SHROOM3: variants seen among roughly 807,000 people sequenced by gnomAD.
The protein encoded by SHROOM3 is shroom family member 3, also known as protein Shroom3.
SHROOM3 carries 47 observed loss-of-function variants against 138.6 expected under a neutral mutation model. That is an observed-to-expected ratio of 0.34 (90% CI 0.27 to 0.43). The LOEUF (loss-of-function observed/expected upper bound fraction) is 0.43. Ranked by LOEUF, SHROOM3 falls within the 20% of genes least tolerant of loss-of-function variation. SHROOM3 has a pLI of 1.00. For missense variants in SHROOM3, 2,491 were observed against 2,596.5 expected, an observed-to-expected ratio of 0.96 and a Z score of 0.88; for synonymous variants, 1,062 against 1,063.3, an observed-to-expected ratio of 1.00 and a Z score of 0.02.
rs1184057031 is a variant in SHROOM3 at position 76,754,421 on chromosome 4, C to T, written c.3938C>T (p.Pro1313Leu). The part of the protein sequence containing the change: ...GCKAIGDSSV[P>L]SECPGTLDHQ... ...AAAGCCATTGGTGATTCCTCCGTTC[C>T]TAGTGAATGTCCTGGAACCCTGGAC... Residue 1313 changes from proline to leucine, a missense_variant, in exon 7 of 11, where the codon CCT becomes CTT. Coordinates refer to ENST00000296043, the MANE Select transcript of SHROOM3 (RefSeq NM_020859.4). The T allele has an allele frequency of 6.2e-7, 1 of 1,614,158 alleles. No individual in the cohort carries two copies. Among genetic ancestry groups the T allele is most frequent in the East Asian group, 2.2e-5 (1 of 44,884 alleles).
At chr4:76,775,285 T>G (rs1722512867) in intron 10 of SHROOM3, among the ~76,000 whole-genome samples, 1 of 152,080 alleles carries the variant, frequency 6.6e-6, no homozygotes, top group Non-Finnish European at 1.5e-5. Context: ...AATGCCATTA[T>G]TTTGTTCTTT....
At chr4:76,529,114 C>A (rs1028519946) in intron 1 of SHROOM3, among the ~76,000 whole-genome samples, 1 of 152,116 alleles carries the variant, frequency 6.6e-6, no homozygotes, top group African/African-American at 2.4e-5. Flanking sequence ...ATTGTTGGAG[C>A]TCATGGGGAA....
rs773188540 is a variant in SHROOM3 at position 76,741,168 on chromosome 4, G to A, written c.2995G>A (p.Val999Met). The change falls in exon 5 of 11, where the codon GTG becomes ATG. Residue 999 changes from valine (V) to methionine (M), a missense_variant. Val to Met is a conservative substitution (Grantham distance 21, BLOSUM62 1). This residue lies in a region of SHROOM3 where 1,733 missense variants were observed against 1,661.6 expected (regional missense o/e 1.04). Coordinates refer to ENST00000296043, the MANE Select transcript of SHROOM3 (RefSeq NM_020859.4). The surrounding 1 kb of genome is among the most constrained non-coding windows in gnomAD (Gnocchi z 6.2). The part of the protein sequence containing the change: ...TPAEGDLARP[V>M]PPAARRGARR... ...TGCTGAGGGCGACCTGGCCAGGCCC[G>A]TGCCCCCTGCCGCCCGGAGAGGTGC... 15 of 1,583,456 alleles carry A rather than the reference G, an allele frequency of 9.5e-6. No homozygotes were observed. The highest frequency in any genetic ancestry group is 8.1e-5 in the African/African-American group (6 of 74,316).
intron 2 of SHROOM3, chr4:76,587,384 T>C (rs1004166728): frequency 6.6e-6 from 1 of 152,196 alleles, no homozygotes. Flanking sequence ...TGGGTAAAGT[T>C]CTCTTTATAA....
intron 1 of SHROOM3, among the ~76,000 whole-genome samples, chr4:76,511,055 G>A (rs139442711): frequency 0.029 from 4,412 of 152,080 alleles, 102 homozygotes; most frequent in Non-Finnish European, 0.047. Context: ...GGTGGTTGGC[G>A]CCTGTAATCT....
intron 2 of SHROOM3, among the ~76,000 whole-genome samples, chr4:76,562,446 G>T (rs969480587): frequency 1.3e-5 from 2 of 152,126 alleles, no homozygotes; most frequent in African/African-American, 2.4e-5. Context: ...AGATTGAATT[G>T]CAAGACTGTA....
intron 2 of SHROOM3, among the ~76,000 whole-genome samples, chr4:76,625,884 A>C (rs966340930): frequency 6.6e-6 from 1 of 152,202 alleles, no homozygotes; most frequent in Non-Finnish European, 1.5e-5. Context: ...CTCGCTCACT[A>C]TTATACTTAG....
intron 9 of SHROOM3, among the ~76,000 whole-genome samples, chr4:76,766,959 A>G (rs1722177841): frequency 6.6e-6 from 1 of 152,156 alleles, no homozygotes; most frequent in African/African-American, 2.4e-5. Flanking sequence ...GCCTCCCTGC[A>G]TCACTTCTAT....
chr4:76,538,089 G>T (rs538957370), intron 1 of SHROOM3, among the ~76,000 whole-genome samples: 1 of 152,138 alleles, frequency 6.6e-6, no homozygotes, highest in South Asian at 2.1e-4. Flanking sequence ...CATATTTTTA[G>T]TAGAGCCAGG....
chr4:76,528,672 TC>T (rs776304313), intron 1 of SHROOM3, among the ~76,000 whole-genome samples: 3 of 151,710 alleles, frequency 2.0e-5, no homozygotes, highest in Non-Finnish European at 2.9e-5. Context: ...CCTGCCTCAG[TC>T]TCCCCAGTAG....
chr4:76,737,198 T>C (rs1721096800), intron 4 of SHROOM3, among the ~76,000 whole-genome samples: 1 of 152,198 alleles, frequency 6.6e-6, no homozygotes, highest in African/African-American at 2.4e-5. Flanking sequence ...CTTTTCAGAC[T>C]GGCTTTTTTC....
intron 1 of SHROOM3, among the ~76,000 whole-genome samples, chr4:76,481,182 A>G (rs539226404): frequency 1.4e-4 from 21 of 152,188 alleles, no homozygotes; most frequent in Non-Finnish European, 2.9e-4. Flanking sequence ...CAAAAAATCA[A>G]TTAATCCAGA....
chr4:76,532,126 C>T (rs950666989), intron 1 of SHROOM3: 3 of 143,006 alleles, frequency 2.1e-5, no homozygotes, highest in Non-Finnish European at 4.5e-5. Flanking sequence ...TCTCATTGTT[C>T]AATTCCCACC....
At position 76,458,463 on chromosome 4, in the gene SHROOM3, G is replaced by C. The variant is rs190341750; in HGVS notation, c.168+22243G>C. On this transcript the variant is annotated intron_variant, in intron 1 of 10. Transcript: ENST00000296043. ...ATGATAATATTACTTTTTCAGTAGC[G>C]TTGAGTACATTGTTGTGCAACCATC... is the stretch of plus-strand genomic sequence containing the variant. Among the ~76,000 whole-genome samples the C allele has an allele frequency of 1.8e-3, 272 of 152,210 alleles. 1 individual carries two copies. Among genetic ancestry groups the C allele is most frequent in the African/African-American group, 6.2e-3 (258 of 41,524 alleles).
chr4:76,567,121 G>A (rs889979123), intron 2 of SHROOM3, among the ~76,000 whole-genome samples: 24 of 152,168 alleles, frequency 1.6e-4, no homozygotes, highest in African/African-American at 5.6e-4. Context: ...TTGCTTAGTG[G>A]GTGGGATGTG....
At chr4:76,703,847 T>C (rs1405259653) in intron 2 of SHROOM3, among the ~76,000 whole-genome samples, 1 of 152,234 alleles carries the variant, frequency 6.6e-6, no homozygotes, top group Non-Finnish European at 1.5e-5. Flanking sequence ...CTTAGCCCTG[T>C]ATAAATGCAT....
intron 1 of SHROOM3, among the ~76,000 whole-genome samples, chr4:76,474,405 T>C (rs1731440293): frequency 6.6e-6 from 1 of 152,200 alleles, no homozygotes. Flanking sequence ...CACTGACTTG[T>C]GTACTCTAAA....
At chr4:76,585,429 CTCTT>C (rs769990927) in intron 2 of SHROOM3, among the ~76,000 whole-genome samples, 1 of 152,168 alleles carries the variant, frequency 6.6e-6, no homozygotes, top group Non-Finnish European at 1.5e-5. Context: ...CTTTCTCTCT[CTCTT>C]TGTGTCTATG....
At chr4:76,527,454 A>G (rs1732715652) in intron 1 of SHROOM3, among the ~76,000 whole-genome samples, 1 of 152,148 alleles carries the variant, frequency 6.6e-6, no homozygotes, top group Non-Finnish European at 1.5e-5. Context: ...ATAGTGGCGC[A>G]TGCCTGTAAT....
Sources: allele counts gnomAD v4.1 joint callset (sites outside exome capture counted in the v4.1 genomes callset), GRCh38; gene constraint gnomAD v4.1.1; regional missense constraint gnomAD v4.1.1; non-coding constraint Gnocchi (gnomAD v3.1); transcripts MANE v1.5; gene names NCBI Gene and HGNC (gene_info 2026-07-23, HGNC 2026-07-21).